SIDT1: variants seen among roughly 807,000 people sequenced by gnomAD.
SIDT1 encodes the protein SID1 transmembrane family member 1.
A neutral mutation model predicts 107.5 loss-of-function variants in SIDT1; 101 were observed. The ratio of observed to expected loss-of-function variants is 0.94; its 90% CI spans 0.80 to 1.11. The LOEUF (loss-of-function observed/expected upper bound fraction) is 1.11. Among genes scored for constraint, SIDT1 ranks in the 50% least tolerant of loss-of-function variants. SIDT1 has a pLI of 0.00. For synonymous variants in SIDT1, 395 were observed against 398.2 expected, an observed-to-expected ratio of 0.99 and a Z score of 0.10; for missense variants, 1,076 against 1,058.2, an observed-to-expected ratio of 1.02 and a Z score of -0.23.
At chr3:113,604,635 T>C (rs1467691593) in intron 13 of SIDT1, among the ~76,000 whole-genome samples, 1 of 152,242 alleles carries the variant, frequency 6.6e-6, no homozygotes, top group Non-Finnish European at 1.5e-5. Flanking sequence ...GTTAGTATTT[T>C]CAGTTTTTGC....
chr3:113,557,177 A>T (rs1940971298), intron 1 of SIDT1, among the ~76,000 whole-genome samples: 1 of 152,240 alleles, frequency 6.6e-6, no homozygotes, highest in Non-Finnish European at 1.5e-5. Flanking sequence ...TTGTCTGCTC[A>T]GGAATTCTTT....
chr3:113,623,154 G>A (rs1221071860), intron 21 of SIDT1, among the ~76,000 whole-genome samples: 2 of 124,816 alleles, frequency 1.6e-5, no homozygotes, highest in African/African-American at 6.3e-5. Flanking sequence ...TGGTGCCATT[G>A]CACTCTAGCC....
At chr3:113,621,459 AG>A (rs1379249335) in intron 21 of SIDT1, among the ~76,000 whole-genome samples, 3 of 152,024 alleles carry the variant, frequency 2.0e-5, no homozygotes, top group African/African-American at 7.3e-5. Context: ...AAAAAAAAAA[AG>A]AACGAAGTCA....
At chr3:113,542,253 T>C (rs545753728) in intron 1 of SIDT1, among the ~76,000 whole-genome samples, 1 of 152,180 alleles carries the variant, frequency 6.6e-6, no homozygotes, top group Admixed American at 6.5e-5. Flanking sequence ...AGGTATGTGA[T>C]GTAACTTTTG....
chr3:113,601,422 AGGCTAGATTTGGCAGATG>A, intron 10 of SIDT1, 148 bp from the exon 11 acceptor site: 1 of 506,464 alleles, frequency 2.0e-6, no homozygotes, highest in Non-Finnish European at 3.5e-6. Context: ...AACAGGTGGC[AGGCTAGATTTGGCAGATG>A]GGTCATAGTT....
rs1560070331 is a variant in SIDT1 at position 113,581,743 on chromosome 3, C to T, written c.747+299C>T. 7 of 305,674 alleles carry T rather than the reference C, an allele frequency of 2.3e-5. 1 individual carries two copies. Among genetic ancestry groups the T allele is most frequent in the South Asian group, 1.8e-4 (5 of 28,294 alleles). The allele number at this position is 305,674 out of a possible 1,614,324, so 18.9% of individuals were successfully genotyped here. A position where few individuals can be genotyped will look rare whatever the true frequency, so the allele number is the denominator to read the frequency against. On this transcript the variant is annotated intron_variant, in intron 6 of 24. Coordinates refer to ENST00000264852, the MANE Select transcript of SIDT1 (RefSeq NM_017699.3). ...CAAAAATTAGCTGGGCTTGGTGGTGCACACCTGCAATCCCAGCTACTCAGG... is the reference window on the plus strand; with the variant it reads ...CAAAAATTAGCTGGGCTTGGTGGTGTACACCTGCAATCCCAGCTACTCAGG...
chr3:113,621,438 CA>C (rs1448362683), intron 21 of SIDT1, among the ~76,000 whole-genome samples: 1 of 129,186 alleles, frequency 7.7e-6, no homozygotes, highest in Non-Finnish European at 1.6e-5. Context: ...GACCCTCTCT[CA>C]AAAAAAAAGA....
intron 9 of SIDT1, among the ~76,000 whole-genome samples, chr3:113,590,877 C>A (rs896895573): frequency 1.6e-4 from 24 of 152,078 alleles, no homozygotes; most frequent in Non-Finnish European, 7.4e-5. Context: ...TAAGATAATG[C>A]AGTAAATAGA....
intron 1 of SIDT1, among the ~76,000 whole-genome samples, chr3:113,555,762 T>C (rs1423423645): frequency 6.6e-6 from 1 of 151,980 alleles, no homozygotes; most frequent in African/African-American, 2.4e-5. Flanking sequence ...ACTTCACTTT[T>C]CAATGAGATG....
chr3:113,623,475 G>A lies in SIDT1; in HGVS notation c.2139G>A (p.Met713Ile). Residue 713 changes from methionine (M) to isoleucine (I), a missense_variant, in exon 22 of 25, where the codon ATG (methionine) becomes ATA (isoleucine). Coordinates refer to ENST00000264852, the MANE Select transcript of SIDT1 (RefSeq NM_017699.3). ...GCCCCAGGGACTTTGCTTCCTACAT[G>A]CTGGGCATCTTCATCTGTAACCTTT... Reference protein sequence around the residue: ...IYRPRDFASYMLGIFICNLLL... With the variant: ...IYRPRDFASYILGIFICNLLL... 6.2e-7 allele frequency: 1 copy of A among 1,614,092 alleles called. No homozygotes were observed. Among genetic ancestry groups the A allele is most frequent in the Admixed American group, 1.7e-5 (1 of 60,022 alleles).
At chr3:113,573,182 A>T (rs1942614038) in intron 3 of SIDT1, among the ~76,000 whole-genome samples, 1 of 152,182 alleles carries the variant, frequency 6.6e-6, no homozygotes, top group Non-Finnish European at 1.5e-5. Context: ...AGGTTTACTG[A>T]CAAAGGGACA....
At chr3:113,616,635 A>T (rs1259284891) in intron 20 of SIDT1, among the ~76,000 whole-genome samples, 1 of 152,182 alleles carries the variant, frequency 6.6e-6, no homozygotes, top group Admixed American at 6.5e-5. Context: ...AAACCTGCAC[A>T]TCCTGCCCAT....
At chr3:113,604,553 G>C (rs1945186544) in intron 13 of SIDT1, among the ~76,000 whole-genome samples, 1 of 152,056 alleles carries the variant, frequency 6.6e-6, no homozygotes, top group African/African-American at 2.4e-5. Context: ...ATGGTTGTAA[G>C]AAAAGAAAGA....
At chr3:113,593,444 C>A (rs751728298) in intron 10 of SIDT1, among the ~76,000 whole-genome samples, 2 of 152,178 alleles carry the variant, frequency 1.3e-5, no homozygotes, top group Non-Finnish European at 2.9e-5. Flanking sequence ...TTATGAGAAT[C>A]TAATGCCATA....
At position 113,608,206 on chromosome 3, in the gene SIDT1, A is replaced by G. The variant is rs756610548; in HGVS notation, c.1591A>G (p.Ile531Val). 4 of 1,596,684 alleles carry G rather than the reference A, an allele frequency of 2.5e-6. No individual in the cohort carries two copies. Among genetic ancestry groups the G allele is most frequent in the African/African-American group, 1.3e-5 (1 of 74,288 alleles). ...TCGGAGAGCCCTGGAAGCCAAGGAC[A>G]TCTTTGCTGTGGTGAGGAAAGAGTG... ...LHRRALEAKD[I>V]FAVEYGIPKH... Residue 531 changes from isoleucine (I) to valine (V), a missense_variant, in exon 16 of 25, where the codon ATC (isoleucine) becomes GTC (valine). By Grantham distance (29) the Ile-to-Val change is conservative (BLOSUM62 3). Coordinates refer to ENST00000264852, the MANE Select transcript of SIDT1 (RefSeq NM_017699.3).
intron 14 of SIDT1, chr3:113,606,748 C>T (rs1273650635): frequency 4.2e-5 from 12 of 282,818 alleles, no homozygotes; most frequent in East Asian, 1.3e-4. Flanking sequence ...CGCATTCTTT[C>T]GTAGTCCTTT....
rs751830248 is a variant in SIDT1 at position 113,580,635 on chromosome 3, G to T, written c.589G>T (p.Val197Leu). 3.1e-6 allele frequency: 5 copies of T among 1,609,988 alleles called. No homozygotes were observed. The African/African-American group carries it at 6.7e-5, about 22-fold the overall frequency. The change falls in exon 5 of 25, where the codon GTG becomes TTG. Residue 197 changes from valine (V) to leucine (L), a missense_variant. Coordinates refer to ENST00000264852, the MANE Select transcript of SIDT1 (RefSeq NM_017699.3). ...QYFLYKFPKDVDSVIIKVVSE... is the reference protein window; with the variant it reads ...QYFLYKFPKDLDSVIIKVVSE... ...TTTTCTATACAAGTTTCCCAAAGAC[G>T]TGGACTCAGTTATCATTAAAGTGGT...
intron 1 of SIDT1, among the ~76,000 whole-genome samples, chr3:113,548,325 ATTATGGTACTGTACAGAATAG>A (rs1175067182): frequency 3.9e-5 from 6 of 152,116 alleles, no homozygotes; most frequent in South Asian, 2.1e-4. Context: ...TGTATCCACC[ATTATGGTACTGTACAGAATAG>A]TTTCACCCTC....
At chr3:113,574,486 T>G (rs935844695) in intron 3 of SIDT1, among the ~76,000 whole-genome samples, 1 of 152,220 alleles carries the variant, frequency 6.6e-6, no homozygotes. Context: ...ATGAGTAAGG[T>G]GCTGTGAATC....
Sources: allele counts gnomAD v4.1 joint callset (sites outside exome capture counted in the v4.1 genomes callset), GRCh38; gene constraint gnomAD v4.1.1; transcripts MANE v1.5; gene names NCBI Gene and HGNC (gene_info 2026-07-23, HGNC 2026-07-21).